Variants in COX7A2L observed in about 807,000 individuals in gnomAD.
COX7A2L encodes cytochrome c oxidase subunit 7A2-like, mitochondrial.
A neutral mutation model predicts 14.2 loss-of-function variants in COX7A2L; 18 were observed. That is an observed-to-expected ratio of 1.27 (90% CI 0.88 to 1.88). The LOEUF (loss-of-function observed/expected upper bound fraction) is 1.88, where lower values mean the gene tolerates loss of function less well. Among genes scored for constraint, COX7A2L ranks in the 40% most tolerant of loss-of-function variants. The pLI is 0.00. For missense variants in COX7A2L, 179 were observed against 138.8 expected (o/e 1.29, Z -1.46); for synonymous variants, 65 against 57.4 (o/e 1.13, Z -0.60).
Position 42,338,072 on chromosome 2 carries a change from G to A in COX7A2L, c.193-4203C>T, listed in dbSNP as rs1048823394. 5.3e-5 allele frequency among the ~76,000 whole-genome samples: 8 copies of A among 152,164 alleles called. No homozygotes were observed. Among genetic ancestry groups the A allele is most frequent in the Admixed American group, 2.6e-4 (4 of 15,292 alleles). On this transcript the variant is annotated intron_variant, in intron 2 of 2. Coordinates refer to the COX7A2L transcript ENST00000468711. The surrounding 1 kb of genome is among the most constrained non-coding windows in gnomAD (Gnocchi z 4.4). The stretch of plus-strand genomic sequence containing the variant: ...ATCTGGGACCATAGGGACAAGAGAC[G>A]ACCCGGGAGCACTAAGAATTCATCT...
rs1670323418 is a variant in COX7A2L, at chr2:42,338,165, G to A, written c.193-4296C>T. Among the ~76,000 whole-genome samples the A allele has an allele frequency of 6.6e-6, 1 of 152,178 alleles. No homozygotes were observed. Among genetic ancestry groups the A allele is most frequent in the Non-Finnish European group, 1.5e-5 (1 of 68,016 alleles). On this transcript the variant is annotated intron_variant, in intron 2 of 2. Coordinates refer to the COX7A2L transcript ENST00000468711. This position sits in a 1 kb window ranked among gnomAD's most constrained non-coding sequence, Gnocchi z 4.4. Reference sequence around the variant, plus strand: ...TACTCCCCATGCTCCTGGCCCACATGCAAGGCAGAGACAGCCGTTCCGTGT... The same window carrying A: ...TACTCCCCATGCTCCTGGCCCACATACAAGGCAGAGACAGCCGTTCCGTGT...
chr2:42,362,355 A>G (rs1671076907), upstream of COX7A2L, among the ~76,000 whole-genome samples: 1 of 152,244 alleles, frequency 6.6e-6, no homozygotes. Context: ...CATATTCTAG[A>G]TGCACTTATG....
chr2:42,344,384 G>A (rs560994594), downstream of COX7A2L, among the ~76,000 whole-genome samples: 1 of 152,156 alleles, frequency 6.6e-6, no homozygotes, highest in Non-Finnish European at 1.5e-5. Context: ...CTTTAGGAAT[G>A]AAAGTCTCCT....
At chr2:42,367,164 C>T (rs1226289424) in intron 1 of COX7A2L, among the ~76,000 whole-genome samples, 1 of 152,174 alleles carries the variant, frequency 6.6e-6, no homozygotes, top group African/African-American at 2.4e-5. Context: ...AAAGTCATGG[C>T]CCTAAGATCT....
At chr2:42,341,577 C>G (rs1049045202) in intron 2 of COX7A2L, among the ~76,000 whole-genome samples, 1 of 152,248 alleles carries the variant, frequency 6.6e-6, no homozygotes, top group South Asian at 2.1e-4. Flanking sequence ...GCTCAAAGAA[C>G]AGGTCCTGAC....
chr2:42,355,519 C>A (rs1301184251), intron 1 of COX7A2L, among the ~76,000 whole-genome samples: 1 of 152,128 alleles, frequency 6.6e-6, no homozygotes, highest in Non-Finnish European at 1.5e-5. Context: ...TGAACAGTAT[C>A]ATCTGAAAAC....
chr2:42,345,901 C>T (rs973657879), downstream of COX7A2L, among the ~76,000 whole-genome samples: 4 of 152,136 alleles, frequency 2.6e-5, no homozygotes, highest in African/African-American at 9.7e-5. Context: ...ATCCAGACAG[C>T]ACTGAGAAGA....
intron 2 of COX7A2L, among the ~76,000 whole-genome samples, chr2:42,335,855 G>A (rs189614572): frequency 7.2e-4 from 109 of 152,274 alleles, no homozygotes; most frequent in Admixed American, 2.4e-3. Flanking sequence ...ACTTTGAATC[G>A]TGTCAAGAGG....
rs377160921 is a variant in COX7A2L, at chr2:42,361,047, G to T, written c.72+43C>A. ...GCGACTGCCTGTCGCCGAGGCTAGG[G>T]CCGCCACTTCTCATGTCCGAGCTGG... is the stretch of plus-strand genomic sequence containing the variant. On this transcript the variant is annotated intron_variant, in intron 1 of 2. Coordinates refer to ENST00000234301, the MANE Select transcript of COX7A2L (RefSeq NM_004718.4). The T allele has an allele frequency of 1.7e-5, 27 of 1,605,288 alleles. No homozygotes were observed. The African/African-American group carries it at 3.5e-4, about 21-fold the overall frequency.
chr2:42,360,805 A>T, intron 1 of COX7A2L: 1 of 451,366 alleles, frequency 2.2e-6, no homozygotes, highest in East Asian at 4.7e-5. Flanking sequence ...GGACCCCCAC[A>T]AACCATCCCT....
upstream of COX7A2L, among the ~76,000 whole-genome samples, chr2:42,364,144 G>A (rs935268136): frequency 2.6e-5 from 4 of 151,784 alleles, no homozygotes; most frequent in Non-Finnish European, 5.9e-5. Context: ...CCAGCTACTC[G>A]GGAGGCTGAG....
Position 42,350,055 on chromosome 2 carries a change from G to C in COX7A2L, c.*1164C>G, listed in dbSNP as rs1010398713. On this transcript the variant is annotated 3_prime_UTR_variant, in exon 3 of 3. Coordinates refer to ENST00000234301, the MANE Select transcript of COX7A2L (RefSeq NM_004718.4). ...AGGAAATACCAGAGAATAAAATTTA[G>C]ATTTGCAGAGAGAGAGAGAGAGAGA... 1.2e-4 allele frequency: 17 copies of C among 139,768 alleles called. No homozygotes were observed. Among genetic ancestry groups the C allele is most frequent in the African/African-American group, 4.3e-4 (16 of 36,884 alleles). The allele number at this position is 139,768 out of a possible 1,614,324, so 8.7% of individuals were successfully genotyped here.
At chr2:42,337,455 G>A (rs926032853) in intron 2 of COX7A2L, among the ~76,000 whole-genome samples, 16 of 152,146 alleles carry the variant, frequency 1.1e-4, no homozygotes, top group African/African-American at 3.9e-4. Flanking sequence ...CAGGGGACAG[G>A]AATGGAAGGG....
upstream of COX7A2L, among the ~76,000 whole-genome samples, chr2:42,362,204 G>A (rs1309177350): frequency 2.0e-5 from 3 of 152,228 alleles, no homozygotes; most frequent in South Asian, 2.1e-4. Context: ...GGTAGTATTC[G>A]CTTCAGTTCA....
chr2:42,355,161 G>C (rs2103897905), intron 1 of COX7A2L, among the ~76,000 whole-genome samples: 1 of 152,246 alleles, frequency 6.6e-6, no homozygotes, highest in African/African-American at 2.4e-5. Context: ...GTAAGATGTT[G>C]GCCTACATTT....
intron 2 of COX7A2L, 31 bp from the exon 3 acceptor site, chr2:42,351,390 T>C: frequency 1.2e-6 from 2 of 1,603,014 alleles, no homozygotes; most frequent in Middle Eastern, 1.7e-4. Context: ...AGGGCATGGT[T>C]GAGAAGAAAA....
rs1328486636 is a variant in COX7A2L, at chr2:42,339,719, G to A, written c.193-5850C>T. Reference sequence around the variant, plus strand: ...ACCCACACAGCCACCCCTGGAGGAAGACCTGGGATGCTGCCAGCACTCAGA... The same window carrying A: ...ACCCACACAGCCACCCCTGGAGGAAAACCTGGGATGCTGCCAGCACTCAGA... On this transcript the variant is annotated intron_variant, in intron 2 of 2. Transcript: ENST00000468711. The surrounding 1 kb of genome is among the most constrained non-coding windows in gnomAD (Gnocchi z 5.4). Among the ~76,000 whole-genome samples the A allele has an allele frequency of 6.6e-6, 1 of 152,180 alleles. No individual in the cohort carries two copies. Among genetic ancestry groups the A allele is most frequent in the Non-Finnish European group, 1.5e-5 (1 of 68,038 alleles).
chr2:42,365,218 G>A (rs547745884), upstream of COX7A2L, among the ~76,000 whole-genome samples: 69 of 152,292 alleles, frequency 4.5e-4, no homozygotes, highest in African/African-American at 1.5e-3. Flanking sequence ...TTTGGGGGAC[G>A]GGTGGTGGTT....
chr2:42,348,727 G>A (rs556757446), downstream of COX7A2L, among the ~76,000 whole-genome samples: 4 of 152,190 alleles, frequency 2.6e-5, no homozygotes, highest in Non-Finnish European at 5.9e-5. Context: ...GACCATCTTG[G>A]CCTACATGGT....
Sources: allele counts gnomAD v4.1 joint callset (sites outside exome capture counted in the v4.1 genomes callset), GRCh38; gene constraint gnomAD v4.1.1; non-coding constraint Gnocchi (gnomAD v3.1); transcripts MANE v1.5; gene names NCBI Gene and HGNC (gene_info 2026-07-23, HGNC 2026-07-21).